SPMAP2L: variants seen among roughly 807,000 people sequenced by gnomAD.
The protein encoded by SPMAP2L is sperm microtubule associated protein 2 like.
the SPMAP2L span, among the ~76,000 whole-genome samples, chr4:56,541,997 C>CA: frequency 1.9e-4 from 29 of 152,252 alleles, no homozygotes; most frequent in Admixed American, 1.6e-3. Context: ...CTAATTGTCT[C>CA]AAAAACATAT....
At chr4:56,601,596 C>CA in the SPMAP2L span, among the ~76,000 whole-genome samples, 20 of 151,692 alleles carry the variant, frequency 1.3e-4, no homozygotes, top group East Asian at 3.7e-3. Context: ...CCCATCTCTT[C>CA]AAAAAAATAC....
chr4:56,588,890 C>T, the SPMAP2L span, among the ~76,000 whole-genome samples: 6 of 152,310 alleles, frequency 3.9e-5, no homozygotes, highest in East Asian at 9.6e-4. Flanking sequence ...TGTCCTTTCT[C>T]CACTTTATGC....
At chr4:56,572,127 T>G in the SPMAP2L span, among the ~76,000 whole-genome samples, 1 of 152,208 alleles carries the variant, frequency 6.6e-6, no homozygotes, top group Non-Finnish European at 1.5e-5. Flanking sequence ...CATAAACCAG[T>G]AGCATAGTTG....
At chr4:56,543,162 A>C in the SPMAP2L span, among the ~76,000 whole-genome samples, 30 of 151,340 alleles carry the variant, frequency 2.0e-4, no homozygotes, top group African/African-American at 2.4e-4. Context: ...TGGCTCACTG[A>C]AAGCTCCGCC....
the SPMAP2L span, among the ~76,000 whole-genome samples, chr4:56,601,268 G>A: frequency 2.6e-5 from 4 of 152,112 alleles, no homozygotes; most frequent in African/African-American, 9.6e-5. Flanking sequence ...ATACATCTAT[G>A]GTCTTCTTAC....
the SPMAP2L span, among the ~76,000 whole-genome samples, chr4:56,605,016 G>T: frequency 2.9e-3 from 435 of 152,270 alleles, 4 homozygotes; most frequent in South Asian, 0.013. Context: ...AGGCTGGTAG[G>T]GGGGTGAGGA....
chr4:56,580,643 T>A, the SPMAP2L span, among the ~76,000 whole-genome samples: 6 of 147,808 alleles, frequency 4.1e-5, no homozygotes, highest in Admixed American at 6.7e-5. Context: ...TGAAAAAAAA[T>A]AAAAAATAAA....
chr4:56,587,671 G>T, the SPMAP2L span, among the ~76,000 whole-genome samples: 1 of 152,160 alleles, frequency 6.6e-6, no homozygotes, highest in African/African-American at 2.4e-5. Context: ...TGGCTGAGTA[G>T]TATTCCATCC....
At chr4:56,578,784 A>G in the SPMAP2L span, among the ~76,000 whole-genome samples, 1 of 133,382 alleles carries the variant, frequency 7.5e-6, no homozygotes, top group African/African-American at 3.7e-5. Context: ...GAGTCAATCC[A>G]TTAAAAAGAC....
chr4:56,542,255 G>T, the SPMAP2L span, among the ~76,000 whole-genome samples: 1 of 152,144 alleles, frequency 6.6e-6, no homozygotes, highest in African/African-American at 2.4e-5. Flanking sequence ...ACATTTTCCT[G>T]ACTTTAAAAA....
the SPMAP2L span, among the ~76,000 whole-genome samples, chr4:56,575,005 C>T: frequency 2.0e-5 from 3 of 152,176 alleles, no homozygotes; most frequent in East Asian, 5.8e-4. Context: ...AATCCCAGCA[C>T]TTTGGGAGGC....
At chr4:56,607,306 G>A in the SPMAP2L span, among the ~76,000 whole-genome samples, 1 of 152,104 alleles carries the variant, frequency 6.6e-6, no homozygotes, top group African/African-American at 2.4e-5. Flanking sequence ...GTGCCGTCTT[G>A]GAAGCAAAGA....
the SPMAP2L span, among the ~76,000 whole-genome samples, chr4:56,534,801 TG>T: frequency 1.3e-5 from 2 of 152,142 alleles, no homozygotes; most frequent in Admixed American, 6.5e-5. Context: ...TGGTGGCGCA[TG>T]CCTGTAATCC....
the SPMAP2L span, among the ~76,000 whole-genome samples, chr4:56,556,239 G>A: frequency 0.98 from 149,523 of 152,324 alleles, 73,404 homozygotes; most frequent in East Asian, 1. Context: ...GAGAGAAATA[G>A]TGATAGCCTA....
chr4:56,575,757 C>A, the SPMAP2L span: 1 of 973,424 alleles, frequency 1.0e-6, no homozygotes, highest in Non-Finnish European at 1.4e-6. Context: ...ACTTGTGTTC[C>A]AAAGCATCAG....
the SPMAP2L span, among the ~76,000 whole-genome samples, chr4:56,541,508 A>T: frequency 6.6e-6 from 1 of 152,168 alleles, no homozygotes; most frequent in African/African-American, 2.4e-5. Flanking sequence ...AGAAAAACGT[A>T]AAATATTTTT....
chr4:56,558,688 CTGTTA>C, the SPMAP2L span, among the ~76,000 whole-genome samples: 1 of 152,164 alleles, frequency 6.6e-6, no homozygotes, highest in East Asian at 1.9e-4. Flanking sequence ...TCCATCTGAG[CTGTTA>C]TATTTACCCC....
the SPMAP2L span, among the ~76,000 whole-genome samples, chr4:56,569,695 T>C: frequency 2.6e-5 from 4 of 152,092 alleles, no homozygotes; most frequent in East Asian, 7.7e-4. Flanking sequence ...TGGTCTCAGC[T>C]ACTCAGGAGG....
At chr4:56,595,252 G>A in the SPMAP2L span, 4 of 1,612,056 alleles carry the variant, frequency 2.5e-6, no homozygotes, top group Non-Finnish European at 3.4e-6. Flanking sequence ...ATTTATTTTG[G>A]ACACGAGACC....
Sources: allele counts gnomAD v4.1 joint callset (sites outside exome capture counted in the v4.1 genomes callset), GRCh38; gene constraint gnomAD v4.1.1; transcripts MANE v1.5; gene names NCBI Gene and HGNC (gene_info 2026-07-23, HGNC 2026-07-21).